Variants in NUS1 observed in about 807,000 individuals in gnomAD.
NUS1 encodes the protein dehydrodolichyl diphosphate synthase complex subunit NUS1.
For synonymous variants in NUS1, 135 were observed against 155.2 expected (o/e 0.87, Z 0.97); for missense variants, 292 against 382.9 (o/e 0.76, Z 1.98).
In NUS1 at chr6:117,679,694, G is replaced by T. The variant is rs536506033; in HGVS notation, c.415+3609G>T. 1.6e-4 allele frequency among the ~76,000 whole-genome samples: 24 copies of T among 152,274 alleles called. No homozygotes were observed. In the South Asian group the frequency reaches 5.0e-3, roughly 32 times the overall value. ...CACATGGTCTGGAGGTTGACTTCAG[G>T]GTAACCAGTTAACTAACTTCCCCCA... On this transcript the variant is annotated intron_variant, in intron 1 of 4. Transcript: ENST00000368494.
chr6:117,704,919 C>CT (rs1279009353), intron 4 of NUS1, among the ~76,000 whole-genome samples: 1 of 152,042 alleles, frequency 6.6e-6, no homozygotes, highest in Admixed American at 6.6e-5. Flanking sequence ...AGAATTGATG[C>CT]TTGAGTGAGA....
In NUS1 at chr6:117,707,816, G is replaced by T. The variant is rs554273676; in HGVS notation, c.*801G>T. 1 of 152,596 alleles carries T rather than the reference G, an allele frequency of 6.6e-6. No individual in the cohort carries two copies. Among genetic ancestry groups the T allele is most frequent in the South Asian group, 2.1e-4 (1 of 4,822 alleles). 9.5% of individuals were successfully genotyped at this position (152,596 alleles called of 1,614,324 possible). On this transcript the variant is annotated 3_prime_UTR_variant, in exon 5 of 5. Coordinates refer to ENST00000368494, the MANE Select transcript of NUS1 (RefSeq NM_138459.5). ...ACTTAAAAATTTAAACATTGGATTA[G>T]GCAGTCAAAAAAACCAAGCAAGCAT...
intron 3 of NUS1, among the ~76,000 whole-genome samples, 177 bp downstream of exon 3, chr6:117,694,357 TG>T (rs1773286318): frequency 2.6e-5 from 4 of 152,128 alleles, no homozygotes; most frequent in African/African-American, 9.7e-5. Context: ...TATGTAAAAA[TG>T]GTTTCGAGAC....
intron 1 of NUS1, among the ~76,000 whole-genome samples, chr6:117,683,666 T>A (rs1251955954): frequency 6.6e-6 from 1 of 152,214 alleles, no homozygotes; most frequent in Non-Finnish European, 1.5e-5. Context: ...TGTTTGTTCT[T>A]GTAAGTACTT....
chr6:117,683,957 CTG>C lies in NUS1; in HGVS notation c.415+7873_415+7874del, dbSNP rs370181552. On this transcript the variant is annotated intron_variant, in intron 1 of 4. Transcript: ENST00000368494. ...TTTATTATTCAGTTAATGTGTAAGA[CTG>C]AATACAGTATGTAACCTAGTAGGTA... Among the ~76,000 whole-genome samples, 4 of 152,276 alleles carry C rather than the reference CTG, an allele frequency of 2.6e-5. No homozygotes were observed. In the East Asian group the frequency reaches 7.7e-4, roughly 29 times the overall value.
chr6:117,703,183 T>C (rs1173372579), intron 3 of NUS1, among the ~76,000 whole-genome samples: 2 of 152,276 alleles, frequency 1.3e-5, no homozygotes, highest in East Asian at 3.9e-4. Flanking sequence ...AAAATTTCCT[T>C]TTCGTCTCTG....
intron 3 of NUS1, 77 bp from the exon 4 acceptor site, chr6:117,703,528 T>C: frequency 9.2e-7 from 1 of 1,082,478 alleles, no homozygotes; most frequent in African/African-American, 1.5e-5. Flanking sequence ...ATTTTGCCCA[T>C]GATCTGTGTG....
rs1352187433 is a variant in NUS1 at position 117,709,090 on chromosome 6, TGTA to T, written c.*2078_*2080del. ...AAACTACTAGGATTCTGATTTCAGA[TGTA>T]GTCATTCCAGAACCTTCTCTTTATG... On this transcript the variant is annotated 3_prime_UTR_variant, in exon 5 of 5. Coordinates refer to ENST00000368494, the MANE Select transcript of NUS1 (RefSeq NM_138459.5). The T allele has an allele frequency of 1.3e-5, 2 of 152,130 alleles. No homozygotes were observed. Among genetic ancestry groups the T allele is most frequent in the Non-Finnish European group, 2.9e-5 (2 of 67,986 alleles). 9.4% of individuals were successfully genotyped at this position (152,130 alleles called of 1,614,324 possible). A position where few individuals can be genotyped will look rare whatever the true frequency, so the allele number is the denominator to read the frequency against.
intron 1 of NUS1, 48 bp downstream of exon 1, chr6:117,676,133 C>A: frequency 1.9e-6 from 3 of 1,549,148 alleles, no homozygotes; most frequent in Non-Finnish European, 8.7e-7. Context: ...TCTTGGACCG[C>A]TAGACCGCTG....
chr6:117,692,724 G>A (rs916940577), intron 1 of NUS1, among the ~76,000 whole-genome samples: 1 of 152,074 alleles, frequency 6.6e-6, no homozygotes, highest in African/African-American at 2.4e-5. Flanking sequence ...ACCTTAAAGA[G>A]TTTAGGCCTC....
intron 4 of NUS1, among the ~76,000 whole-genome samples, chr6:117,706,289 A>G (rs1391790944): frequency 1.3e-5 from 2 of 152,200 alleles, no homozygotes; most frequent in Non-Finnish European, 1.5e-5. Context: ...TGCTCACAAC[A>G]TGGCTACAAT....
chr6:117,686,675 T>A (rs1773144313), intron 1 of NUS1, among the ~76,000 whole-genome samples: 1 of 152,212 alleles, frequency 6.6e-6, no homozygotes, highest in Non-Finnish European at 1.5e-5. Flanking sequence ...TAAAATAACT[T>A]TTGTAATAGT....
intron 1 of NUS1, among the ~76,000 whole-genome samples, chr6:117,686,134 G>A (rs1212785884): frequency 6.7e-6 from 1 of 149,462 alleles, no homozygotes; most frequent in East Asian, 2.0e-4. Flanking sequence ...GGTGGTGGGC[G>A]CCTATAGTCC....
intron 3 of NUS1, among the ~76,000 whole-genome samples, chr6:117,702,188 G>C (rs1337543186): frequency 3.9e-5 from 6 of 152,158 alleles, no homozygotes; most frequent in Admixed American, 3.3e-4. Flanking sequence ...TACAACCTCA[G>C]GCAAGTAAAG....
intron 3 of NUS1, among the ~76,000 whole-genome samples, chr6:117,697,840 A>G (rs11758954): frequency 0.023 from 3,477 of 152,262 alleles, 48 homozygotes; most frequent in Non-Finnish European, 0.033. Flanking sequence ...CATTTTATCC[A>G]ATGGCTGCAG....
rs1474382850 is a variant in NUS1 at position 117,675,750 on chromosome 6, G to C, written c.80G>C (p.Arg27Pro). The change falls in exon 1 of 5, where the codon CGC becomes CCC. Residue 27 changes from arginine to proline, a missense_variant. Transcript: ENST00000368494. Reference sequence around the variant, plus strand: ...CACCGCACGCTCACCTCCTGGCTCCGCGTTCGGTTCGGCACCTGGAACTGG... The same window carrying C: ...CACCGCACGCTCACCTCCTGGCTCCCCGTTCGGTTCGGCACCTGGAACTGG... ...CLHRTLTSWL[R>P]VRFGTWNWIW... The C allele has an allele frequency of 6.5e-7, 1 of 1,549,736 alleles. No homozygotes were observed. The highest frequency in any genetic ancestry group is 1.2e-5 in the South Asian group (1 of 84,702).
At chr6:117,705,363 A>G (rs1005284593) in intron 4 of NUS1, among the ~76,000 whole-genome samples, 2 of 152,196 alleles carry the variant, frequency 1.3e-5, no homozygotes, top group African/African-American at 4.8e-5. Flanking sequence ...TTTGGTTTGA[A>G]TCTTGACTAT....
At chr6:117,705,152 G>A (rs1288747062) in intron 4 of NUS1, among the ~76,000 whole-genome samples, 5 of 152,140 alleles carry the variant, frequency 3.3e-5, no homozygotes, top group Admixed American at 6.5e-5. Context: ...AAGGAAAATA[G>A]GGAAGAGAGA....
intron 3 of NUS1, among the ~76,000 whole-genome samples, chr6:117,696,550 G>A (rs924482193): frequency 6.6e-6 from 1 of 152,044 alleles, no homozygotes; most frequent in Non-Finnish European, 1.5e-5. Context: ...ATACAATAGA[G>A]GTTCAACATA....
Sources: gnomAD v4.1 joint callset for allele counts (sites outside exome capture counted in the v4.1 genomes callset) on GRCh38, gnomAD v4.1.1 for gene constraint, MANE v1.5 for transcripts, NCBI Gene and HGNC (gene_info 2026-07-23, HGNC 2026-07-21) for gene names.